TNXB: variants seen among roughly 807,000 people sequenced by gnomAD.
TNXB encodes tenascin XB.
In TNXB, 183 loss-of-function variants were observed where a neutral mutation model predicts 340.5. The observed-to-expected ratio is 0.54, with a 90% confidence interval of 0.48 to 0.61. The LOEUF is 0.61. Ranked by LOEUF, TNXB falls within the 20% of genes least tolerant of loss-of-function variation. The pLI is 0.00. For missense variants in TNXB, 4,613 were observed against 5,446.4 expected, an observed-to-expected ratio of 0.85 and a Z score of 4.82; for synonymous variants, 2,121 against 2,314.5, an observed-to-expected ratio of 0.92 and a Z score of 2.40.
At position 32,049,228 on chromosome 6, in the gene TNXB, G is replaced by A. The variant is rs1464156982; in HGVS notation, c.9757+42C>T. ...TCCAAAGGAGAAACACAAGGGGGCT[G>A]CAGAGGTAAACCTGGGGACGAGGGC... On this transcript the variant is annotated intron_variant, in intron 28 of 43. Transcript: ENST00000644971. The surrounding 1 kb of genome is among the most constrained non-coding windows in gnomAD (Gnocchi z 4.5). 1.3e-6 allele frequency: 2 copies of A among 1,581,472 alleles called. No individual in the cohort carries two copies. Among genetic ancestry groups the A allele is most frequent in the East Asian group, 4.5e-5 (2 of 44,076 alleles).
Position 32,048,500 on chromosome 6 carries a change from G to T in TNXB, c.9908C>A (p.Pro3303His). 1 of 1,601,776 alleles carries T rather than the reference G, an allele frequency of 6.2e-7. No homozygotes were observed. The highest frequency in any genetic ancestry group is 8.5e-7 in the Non-Finnish European group (1 of 1,175,172). ...GTCTCCGCTCACAGGCACTGCCTGG[G>T]GCTGCCCCTGCGCGTCCCTGTACTG... ...LVQYRDAQGQ[P>H]QAVPVSGDLR... Residue 3303 changes from proline (P) to histidine (H), a missense_variant, in exon 29 of 44, where the codon CCC becomes CAC. By Grantham distance (77) the Pro-to-His change is moderately conservative. Around this residue, in one of 7 missense-constraint regions of TNXB, gnomAD observed 4,327 missense variants for 4,859.4 expected, o/e 0.89. Transcript: ENST00000644971.
rs573239002 is a variant in TNXB at position 32,108,501 on chromosome 6, A to G, written c.-9+680T>C. On this transcript the variant is annotated intron_variant, in intron 1 of 43. Coordinates refer to ENST00000644971, the MANE Select transcript of TNXB (RefSeq NM_001365276.2). The surrounding 1 kb of genome is among the most constrained non-coding windows in gnomAD (Gnocchi z 4.8). ...TCCCAGCCCTGCTGAACCGTGAGTC[A>G]TGAGTGCAGAGCTCTGGCCAAGAAC... Among the ~76,000 whole-genome samples the G allele has an allele frequency of 3.9e-5, 6 of 152,186 alleles. No homozygotes were observed. Among genetic ancestry groups the G allele is most frequent in the African/African-American group, 1.4e-4 (6 of 41,520 alleles).
In TNXB at chr6:32,096,396, C is replaced by T; in HGVS notation, c.1457G>A (p.Gly486Glu). The change falls in exon 3 of 44, where the codon GGG becomes GAG. Residue 486 changes from glycine to glutamate, a missense_variant. Gly to Glu is a moderately conservative substitution (Grantham distance 98). Around this residue, in one of 7 missense-constraint regions of TNXB, gnomAD observed 4,327 missense variants for 4,859.4 expected, o/e 0.89. Transcript: ENST00000644971. ...CESGRCMCWP[G>E]YTGRDCGTRA... is the part of the protein sequence containing the mutation. ...CGTGCCGCAGTCCCGGCCTGTGTAC[C>T]CCGGCCAACACATGCAGCGGCCACT... 1.3e-6 allele frequency: 2 copies of T among 1,577,158 alleles called. No individual in the cohort carries two copies. The highest frequency in any genetic ancestry group is 1.3e-5 in the African/African-American group (1 of 74,342).
intron 1 of TNXB, among the ~76,000 whole-genome samples, chr6:32,100,352 G>A (rs1000605910): frequency 6.6e-6 from 1 of 152,048 alleles, no homozygotes; most frequent in Non-Finnish European, 1.5e-5. Flanking sequence ...CAATCCGCCC[G>A]CCTCGGCTTC....
Position 32,089,526 on chromosome 6 carries a change from G to T in TNXB, c.2359-147C>A. 2 of 1,046,818 alleles carry T rather than the reference G, an allele frequency of 1.9e-6. No individual in the cohort carries two copies. Among genetic ancestry groups the T allele is most frequent in the Non-Finnish European group, 1.3e-6 (1 of 748,232 alleles). The allele number at this position is 1,046,818 out of a possible 1,614,324, so 64.8% of individuals were successfully genotyped here. On this transcript the variant is annotated intron_variant, in intron 4 of 43. Coordinates refer to ENST00000644971, the MANE Select transcript of TNXB (RefSeq NM_001365276.2). The surrounding 1 kb of genome is among the most constrained non-coding windows in gnomAD (Gnocchi z 6.2). ...CCTGTACAAGCTGGGGAGCAAACAT[G>T]CTGAGAGCGCTAACTCCTTGTGAGC...
intron 11 of TNXB, among the ~76,000 whole-genome samples, chr6:32,078,125 AAG>A (rs1491457358): frequency 7.1e-6 from 1 of 140,468 alleles, no homozygotes; most frequent in Non-Finnish European, 1.6e-5. Context: ...GAAAGAAAGA[AAG>A]AAAGAAAAAG....
In TNXB at chr6:32,043,779, T is replaced by C. The variant is rs1476063402; in HGVS notation, c.11500A>G (p.Ser3834Gly). 1 of 1,613,274 alleles carries C rather than the reference T, an allele frequency of 6.2e-7. No homozygotes were observed. The highest frequency in any genetic ancestry group is 8.5e-7 in the Non-Finnish European group (1 of 1,179,998). ...TVVSVRGFEE[S>G]EPLTGFLTTV... ...GTGAGGAAGCCTGTGAGAGGCTCAC[T>C]CTCCTCAAAGCCTCGGACCGAGACC... The change falls in exon 35 of 44, where the codon AGT becomes GGT. Residue 3834 changes from serine (S) to glycine (G), a missense_variant. Ser to Gly is a moderately conservative substitution (Grantham distance 56). This residue lies in a region of TNXB where 114 missense variants were observed against 104.5 expected (regional missense o/e 1.09). Coordinates refer to ENST00000644971, the MANE Select transcript of TNXB (RefSeq NM_001365276.2).
At chr6:32,060,288 T>C (rs1046112163) in intron 21 of TNXB, among the ~76,000 whole-genome samples, 2 of 144,816 alleles carry the variant, frequency 1.4e-5, no homozygotes, top group East Asian at 4.3e-4. Context: ...GCCGAGATCA[T>C]GCCATTGCAC....
chr6:32,053,473 C>T lies in TNXB; in HGVS notation c.8706G>A (p.Leu2902=). 1.2e-6 allele frequency: 2 copies of T among 1,613,406 alleles called. No individual in the cohort carries two copies. The highest frequency in any genetic ancestry group is 8.5e-7 in the Non-Finnish European group (1 of 1,179,890). The stretch of plus-strand genomic sequence containing the variant: ...TCATCTTGTACTTGTGGTCTGGCTC[C>T]AGGCCTGAGATGGTGACCCCGTCCT... ...GHEDGVTISG[L]EPDHKYKMNL... is the part of the protein sequence containing the mutation. Residue 2902 remains leucine (L), a synonymous_variant, in exon 25 of 44, where the codon CTG becomes CTA. Transcript: ENST00000644971.
intron 1 of TNXB, among the ~76,000 whole-genome samples, chr6:32,102,820 T>C (rs1780786395): frequency 6.6e-6 from 1 of 151,894 alleles, no homozygotes; most frequent in Non-Finnish European, 1.5e-5. Context: ...CCTGGGAGGC[T>C]AAGGCAAAAG....
Position 32,053,413 on chromosome 6 carries a change from G to C in TNXB, c.8766C>G (p.Gly2922=). ...CTGTCACCCCAATGACAGAGATGGG[G>C]CCCACGCGCTGGCCACCGTGGAAGC... The part of the protein sequence containing the change: ...LYGFHGGQRV[G]PISVIGVTAA... Residue 2922 remains glycine, a synonymous_variant, in exon 25 of 44, where the codon GGC becomes GGG. Transcript: ENST00000644971. 1.2e-6 allele frequency: 2 copies of C among 1,612,822 alleles called. No individual in the cohort carries two copies. The highest frequency in any genetic ancestry group is 1.7e-6 in the Non-Finnish European group (2 of 1,179,854).
intron 1 of TNXB, among the ~76,000 whole-genome samples, chr6:32,107,116 T>A (rs1781023899): frequency 6.6e-6 from 1 of 152,138 alleles, no homozygotes; most frequent in African/African-American, 2.4e-5. Context: ...CTGGATGGTG[T>A]GAGAGGAACA....
At position 32,084,857 on chromosome 6, in the gene TNXB, T is replaced by G; in HGVS notation, c.3149-148A>C. The G allele has an allele frequency of 2.5e-5, 16 of 633,234 alleles. No individual in the cohort carries two copies. The highest frequency in any genetic ancestry group is 3.5e-5 in the Non-Finnish European group (14 of 400,902). 39.2% of individuals were successfully genotyped at this position (633,234 alleles called of 1,614,324 possible). On this transcript the variant is annotated intron_variant, in intron 7 of 43. Transcript: ENST00000644971. This position sits in a 1 kb window ranked among gnomAD's most constrained non-coding sequence, Gnocchi z 5.5. ...CTGCCCACCCCTCAGTGACTAGCTC[T>G]TCTGGAAGAGGGGCATTTCCCTCTC... is the stretch of plus-strand genomic sequence containing the variant.
In TNXB at chr6:32,072,301, G is replaced by A; in HGVS notation, c.4682-3C>T. On this transcript the variant is annotated splice_region_variant and splice_polypyrimidine_tract_variant and intron_variant, in intron 12 of 43. Transcript: ENST00000644971. The surrounding 1 kb of genome is among the most constrained non-coding windows in gnomAD (Gnocchi z 4.4). ...GGCTGGGGCTGGTGGGAGGGGAGCT[G>A]GGATTTGGGAAGACAAAGAACATGG... 6.3e-7 allele frequency: 1 copy of A among 1,590,478 alleles called. No individual in the cohort carries two copies. The highest frequency in any genetic ancestry group is 1.1e-5 in the South Asian group (1 of 88,482).
rs1246925619 is a variant in TNXB at position 32,056,827 on chromosome 6, C to G, written c.7902G>C (p.Leu2634=). 6.2e-6 allele frequency: 10 copies of G among 1,612,948 alleles called. No individual in the cohort carries two copies. The African/African-American group carries it at 1.3e-4, about 22-fold the overall frequency. ...EPPIKPRLGE[L]TMTDATPDSL... is the part of the protein sequence containing the mutation. ...AGTCAGGGGTGGCATCTGTCATGGT[C>G]AGCTCCCCCAGGCGAGGCTTGATGG... The change falls in exon 23 of 44, where the codon CTG becomes CTC. Residue 2634 remains leucine (L), a synonymous_variant. Transcript: ENST00000644971.
At chr6:32,078,278 C>G (rs561425843) in intron 11 of TNXB, among the ~76,000 whole-genome samples, 22 of 151,468 alleles carry the variant, frequency 1.5e-4, no homozygotes, top group Non-Finnish European at 2.4e-4. Context: ...TGAACCCCGT[C>G]TCTACTAAAA....
intron 18 of TNXB, 53 bp from the exon 19 acceptor site, chr6:32,065,170 G>A (rs995610600): frequency 5.5e-5 from 80 of 1,455,124 alleles, no homozygotes; most frequent in Non-Finnish European, 5.5e-5. Flanking sequence ...AGGTGTTGAG[G>A]CCCCAGCTGT....
At chr6:32,060,788 G>A (rs1777958476) in intron 21 of TNXB, among the ~76,000 whole-genome samples, 1 of 151,880 alleles carries the variant, frequency 6.6e-6, no homozygotes, top group Non-Finnish European at 1.5e-5. Flanking sequence ...ACAGGCATGT[G>A]CCACCATGCT....
Position 32,096,968 on chromosome 6 carries a change from G to A in TNXB, c.885C>T (p.Cys295=), listed in dbSNP as rs937211615. The change falls in exon 3 of 44, where the codon TGC becomes TGT. Residue 295 remains cysteine, a synonymous_variant. Coordinates refer to ENST00000644971, the MANE Select transcript of TNXB (RefSeq NM_001365276.2). ...SQRGRCENGR[C]VCNPGYTGED... ...CGCCAGTGTAGCCGGGGTTACACAC[G>A]CAGCGCCCATTCTCACAGCGCCCCC... 6.2e-7 allele frequency: 1 copy of A among 1,605,588 alleles called. No individual in the cohort carries two copies. Among genetic ancestry groups the A allele is most frequent in the East Asian group, 2.2e-5 (1 of 44,844 alleles).
Sources: allele counts gnomAD v4.1 joint callset (sites outside exome capture counted in the v4.1 genomes callset), GRCh38; gene constraint gnomAD v4.1.1; regional missense constraint gnomAD v4.1.1; non-coding constraint Gnocchi (gnomAD v3.1); transcripts MANE v1.5; gene names NCBI Gene and HGNC (gene_info 2026-07-23, HGNC 2026-07-21).